Variants in ARHGAP39 observed in about 807,000 individuals in gnomAD.
ARHGAP39 encodes the protein Rho GTPase activating protein 39, also known as rho GTPase-activating protein 39.
In ARHGAP39, 44 loss-of-function variants were observed where a neutral mutation model predicts 106.9. The observed-to-expected ratio is 0.41, with a 90% CI of 0.32 to 0.53. The LOEUF is 0.53. ARHGAP39 is among the 20% of genes least tolerant of loss of function. ARHGAP39 has a pLI of 0.21. For synonymous variants in ARHGAP39, 768 were observed against 693.2 expected, an observed-to-expected ratio of 1.11 and a Z score of -1.69; for missense variants, 1,496 against 1,577.3, an observed-to-expected ratio of 0.95 and a Z score of 0.87.
At chr8:144,595,950 T>C (rs1048747641) in intron 2 of ARHGAP39, among the ~76,000 whole-genome samples, 1 of 152,066 alleles carries the variant, frequency 6.6e-6, no homozygotes, top group African/African-American at 2.4e-5. Context: ...TCTATCCTTA[T>C]AGTTCTGCCA....
At chr8:144,553,947 G>T (rs1346395463) in intron 4 of ARHGAP39, among the ~76,000 whole-genome samples, 1 of 152,262 alleles carries the variant, frequency 6.6e-6, no homozygotes, top group Non-Finnish European at 1.5e-5. Context: ...TCGCCTCCCA[G>T]CCATTAGTTT....
At chr8:144,691,858 CG>C in the ARHGAP39 span, among the ~76,000 whole-genome samples, 1 of 151,536 alleles carries the variant, frequency 6.6e-6, no homozygotes, top group Non-Finnish European at 1.5e-5. Context: ...CATTAAGCGG[CG>C]GGGTGGCGGG....
intron 1 of ARHGAP39, among the ~76,000 whole-genome samples, chr8:144,605,978 C>A (rs563196309): frequency 1.4e-4 from 22 of 152,224 alleles, no homozygotes; most frequent in African/African-American, 4.8e-4. Context: ...CACGATGGGC[C>A]GGGGCAGGCA....
chr8:144,549,853 A>G (rs1817629725), intron 4 of ARHGAP39, among the ~76,000 whole-genome samples: 1 of 152,192 alleles, frequency 6.6e-6, no homozygotes, highest in African/African-American at 2.4e-5. Flanking sequence ...ACACTTCAGA[A>G]TATTTTCTTC....
intron 10 of ARHGAP39, among the ~76,000 whole-genome samples, chr8:144,532,027 G>A (rs1816743709): frequency 7.5e-6 from 1 of 132,638 alleles, no homozygotes. Flanking sequence ...GGAGCAGCAG[G>A]TGGGGAGTAG....
chr8:144,534,246 G>T, intron 7 of ARHGAP39, 44 bp from the exon 8 acceptor site: 1 of 1,607,952 alleles, frequency 6.2e-7, no homozygotes, highest in Non-Finnish European at 8.5e-7. Context: ...GGGTGTGTGG[G>T]TGTGGGGCCA....
intron 2 of ARHGAP39, among the ~76,000 whole-genome samples, chr8:144,603,878 A>C (rs1820178008): frequency 6.6e-6 from 1 of 151,898 alleles, no homozygotes; most frequent in African/African-American, 2.4e-5. Context: ...CACTTGCAGG[A>C]ATGAGGACAT....
At chr8:144,674,197 T>A (rs1279307898) in intron 1 of ARHGAP39, among the ~76,000 whole-genome samples, 1 of 152,172 alleles carries the variant, frequency 6.6e-6, no homozygotes, top group Non-Finnish European at 1.5e-5. Context: ...GTCCCGCCAT[T>A]CAGCAGGTCC....
At chr8:144,650,258 AATAG>A (rs1322716915) in intron 1 of ARHGAP39, among the ~76,000 whole-genome samples, 1 of 152,206 alleles carries the variant, frequency 6.6e-6, no homozygotes, top group African/African-American at 2.4e-5. Flanking sequence ...ATCAGTAATA[AATAG>A]CTTACCATCC....
upstream of ARHGAP39, among the ~76,000 whole-genome samples, chr8:144,688,602 G>A (rs940857667): frequency 2.6e-5 from 4 of 152,156 alleles, no homozygotes; most frequent in Non-Finnish European, 5.9e-5. Context: ...TTTTAAATTA[G>A]CCAGGCGTAG....
chr8:144,535,425 A>G (rs533435797), intron 7 of ARHGAP39, among the ~76,000 whole-genome samples: 14 of 152,344 alleles, frequency 9.2e-5, no homozygotes, highest in Admixed American at 7.8e-4. Flanking sequence ...GCGTGGGACC[A>G]TGTGGAACCA....
intron 2 of ARHGAP39, among the ~76,000 whole-genome samples, chr8:144,595,361 G>A (rs543115708): frequency 3.9e-5 from 6 of 152,256 alleles, no homozygotes; most frequent in South Asian, 2.1e-4. Context: ...TACTTCAATC[G>A]TCTGGAGCAG....
At chr8:144,554,551 C>T (rs1429734479) in intron 4 of ARHGAP39, among the ~76,000 whole-genome samples, 3 of 152,182 alleles carry the variant, frequency 2.0e-5, no homozygotes, top group African/African-American at 7.2e-5. Context: ...CGTTGGTCCA[C>T]TAAGCACATG....
intron 4 of ARHGAP39, among the ~76,000 whole-genome samples, chr8:144,553,837 G>A (rs766334985): frequency 1.3e-5 from 2 of 152,198 alleles, no homozygotes; most frequent in African/African-American, 4.8e-5. Context: ...CCAACGCAGC[G>A]GCAAGGCCTC....
Position 144,577,230 on chromosome 8 carries a change from T to C in ARHGAP39, c.512+3616A>G, listed in dbSNP as rs866437605. 3.3e-5 allele frequency among the ~76,000 whole-genome samples: 5 copies of C among 152,278 alleles called. No homozygotes were observed. The South Asian group carries it at 1.0e-3, about 32-fold the overall frequency. On this transcript the variant is annotated intron_variant, in intron 3 of 11. Transcript: ENST00000377307. ...GCCCACAGGGAGGTTCCTCTGTTTT[T>C]CAAAAGCACACAGATGCTGCTGTGA...
intron 2 of ARHGAP39, among the ~76,000 whole-genome samples, chr8:144,601,434 G>C (rs1473968144): frequency 5.0e-5 from 7 of 138,708 alleles, no homozygotes; most frequent in African/African-American, 1.9e-4. Context: ...GCGTGCGTGC[G>C]AGCTCGTGTA....
At chr8:144,598,623 C>T (rs1232084957) in intron 2 of ARHGAP39, among the ~76,000 whole-genome samples, 2 of 152,210 alleles carry the variant, frequency 1.3e-5, no homozygotes, top group Admixed American at 1.3e-4. Context: ...CAGGTCAGAT[C>T]ACACCTCACA....
At chr8:144,653,848 T>A (rs139673731) in intron 1 of ARHGAP39, among the ~76,000 whole-genome samples, 3,259 of 151,902 alleles carry the variant, frequency 0.021, 133 homozygotes, top group African/African-American at 0.075. Context: ...GTCCTCCTGT[T>A]GGAATAACTA....
chr8:144,678,570 G>A (rs1165178318), intron 1 of ARHGAP39, among the ~76,000 whole-genome samples: 2 of 152,180 alleles, frequency 1.3e-5, no homozygotes, highest in Non-Finnish European at 2.9e-5. Context: ...AGTAGGTTGG[G>A]GTCACGCAGC....
Sources: allele counts gnomAD v4.1 joint callset (sites outside exome capture counted in the v4.1 genomes callset), GRCh38; gene constraint gnomAD v4.1.1; transcripts MANE v1.5; gene names NCBI Gene and HGNC (gene_info 2026-07-23, HGNC 2026-07-21).